Variants in SPIDR observed in about 807,000 individuals in gnomAD.
SPIDR encodes the protein DNA repair-scaffolding protein.
In SPIDR, 93 loss-of-function variants were observed where a neutral mutation model predicts 104.6. The observed-to-expected ratio is 0.89, with a 90% CI of 0.75 to 1.06. The LOEUF (loss-of-function observed/expected upper bound fraction) is 1.06. SPIDR is among the 50% of genes least tolerant of loss of function. The pLI is 0.00. For missense variants in SPIDR, 1,154 were observed against 1,111.2 expected (o/e 1.04, Z -0.55); for synonymous variants, 431 against 416.9 (o/e 1.03, Z -0.41).
At chr8:47,452,421 T>A (rs1554706661) in intron 8 of SPIDR, among the ~76,000 whole-genome samples, 4 of 152,176 alleles carry the variant, frequency 2.6e-5, no homozygotes, top group African/African-American at 9.6e-5. Flanking sequence ...AAAGACAATT[T>A]TAGACCAATA....
intron 5 of SPIDR, among the ~76,000 whole-genome samples, chr8:47,393,449 C>T (rs782477247): frequency 2.6e-5 from 4 of 151,992 alleles, no homozygotes; most frequent in Non-Finnish European, 4.4e-5. Context: ...TCCACATTAC[C>T]ATCTGAGGTT....
At chr8:47,363,785 G>C (rs2056640415) in intron 5 of SPIDR, among the ~76,000 whole-genome samples, 1 of 151,694 alleles carries the variant, frequency 6.6e-6, no homozygotes, top group African/African-American at 2.4e-5. Context: ...TTCTAGTTAG[G>C]AGGGTGTGGT....
At chr8:47,446,425 C>T (rs1197701202) in intron 8 of SPIDR, among the ~76,000 whole-genome samples, 1 of 152,148 alleles carries the variant, frequency 6.6e-6, no homozygotes, top group Admixed American at 6.6e-5. Context: ...TACTACCCCT[C>T]ATTGACAATG....
intron 8 of SPIDR, among the ~76,000 whole-genome samples, chr8:47,551,312 T>C (rs1005630000): frequency 6.6e-6 from 1 of 152,214 alleles, no homozygotes; most frequent in African/African-American, 2.4e-5. Flanking sequence ...ATTCCCTCTT[T>C]TTCTATTGAT....
chr8:47,293,944 G>A lies in SPIDR; in HGVS notation c.439G>A (p.Glu147Lys), dbSNP rs1586473668. 5.0e-6 allele frequency: 8 copies of A among 1,614,034 alleles called. No homozygotes were observed. The highest frequency in any genetic ancestry group is 1.7e-5 in the Admixed American group (1 of 59,990). Residue 147 changes from glutamate to lysine, a missense_variant, in exon 5 of 20, where the codon GAG (glutamate) becomes AAG (lysine). Transcript: ENST00000297423. Reference protein sequence around the residue: ...ASDCDEFEDDEGAVEISDCAS... With the variant: ...ASDCDEFEDDKGAVEISDCAS... The stretch of plus-strand genomic sequence containing the variant: ...TGACTGTGATGAATTTGAAGATGAC[G>A]AGGGTGCTGTGGAAATCTCAGACTG...
chr8:47,525,613 C>T lies in SPIDR; in HGVS notation c.1098-70198C>T, dbSNP rs144135915. On this transcript the variant is annotated intron_variant, in intron 8 of 19. Coordinates refer to ENST00000297423, the MANE Select transcript of SPIDR (RefSeq NM_001080394.4). ...GTCAGGAGTTCGAGACCAGCCTGGC[C>T]AACATGGTGAAACCCCATCTCTACC... 4.9e-3 allele frequency among the ~76,000 whole-genome samples: 740 copies of T among 152,114 alleles called. 5 individuals carry two copies. Among genetic ancestry groups the T allele is most frequent in the African/African-American group, 0.016 (675 of 41,512 alleles).
intron 3 of SPIDR, among the ~76,000 whole-genome samples, chr8:47,289,462 A>G (rs1586404564): frequency 1.3e-5 from 2 of 152,226 alleles, no homozygotes; most frequent in African/African-American, 4.8e-5. Context: ...TATAAACAGA[A>G]TAATTGATTT....
Position 47,607,640 on chromosome 8 carries a change from A to G in SPIDR, c.1544+8444A>G, listed in dbSNP as rs550625005. Among the ~76,000 whole-genome samples the G allele has an allele frequency of 2.8e-3, 420 of 152,036 alleles. 1 individual carries two copies. The highest frequency in any genetic ancestry group is 9.9e-3 in the African/African-American group (410 of 41,516). Reference sequence around the variant, plus strand: ...AAATGTGGTCAGATATTTTCAAAAGAAATCTAGTAAGCTTGATCCAAGAGT... The same window carrying G: ...AAATGTGGTCAGATATTTTCAAAAGGAATCTAGTAAGCTTGATCCAAGAGT... On this transcript the variant is annotated intron_variant, in intron 10 of 19. Coordinates refer to ENST00000297423, the MANE Select transcript of SPIDR (RefSeq NM_001080394.4).
chr8:47,374,075 T>A (rs1434762930), intron 5 of SPIDR, among the ~76,000 whole-genome samples: 5 of 152,222 alleles, frequency 3.3e-5, no homozygotes, highest in African/African-American at 1.2e-4. Flanking sequence ...TGAGACGTCT[T>A]TTTTTCTCTT....
chr8:47,478,512 A>G (rs1395363136), intron 8 of SPIDR, among the ~76,000 whole-genome samples: 4 of 152,162 alleles, frequency 2.6e-5, no homozygotes, highest in Admixed American at 6.5e-5. Flanking sequence ...AAGTCAGCTG[A>G]GGTTGCAGAA....
intron 8 of SPIDR, among the ~76,000 whole-genome samples, chr8:47,548,344 T>G (rs2089820002): frequency 1.3e-5 from 2 of 152,210 alleles, no homozygotes; most frequent in South Asian, 4.1e-4. Flanking sequence ...AGATGATATC[T>G]TAAGCTTTTT....
intron 16 of SPIDR, among the ~76,000 whole-genome samples, chr8:47,724,902 G>A (rs994723806): frequency 5.9e-5 from 9 of 152,208 alleles, no homozygotes; most frequent in South Asian, 2.1e-4. Flanking sequence ...GTTTGGCAGC[G>A]CTGGTTTTCC....
chr8:47,331,962 A>T (rs1224856501), intron 5 of SPIDR, among the ~76,000 whole-genome samples: 9 of 60,286 alleles, frequency 1.5e-4, no homozygotes, highest in East Asian at 5.8e-4. Context: ...AAATTTTTTT[A>T]AACTTTTTTT....
At position 47,293,974 on chromosome 8, in the gene SPIDR, T is replaced by G. The variant is rs2040389419; in HGVS notation, c.469T>G (p.Ser157Ala). The G allele has an allele frequency of 1.2e-6, 2 of 1,614,168 alleles. No homozygotes were observed. The highest frequency in any genetic ancestry group is 2.2e-5 in the East Asian group (1 of 44,882). The stretch of plus-strand genomic sequence containing the variant: ...TGCTGTGGAAATCTCAGACTGTGCT[T>G]CTTGTGCAAGTAATCAGTCTTTGAC... ...EGAVEISDCA[S>A]CASNQSLTSD... The change falls in exon 5 of 20, where the codon TCT becomes GCT. Residue 157 changes from serine (S) to alanine (A), a missense_variant. Coordinates refer to ENST00000297423, the MANE Select transcript of SPIDR (RefSeq NM_001080394.4).
intron 1 of SPIDR, among the ~76,000 whole-genome samples, chr8:47,272,641 C>G (rs1206436766): frequency 6.6e-6 from 1 of 152,108 alleles, no homozygotes; most frequent in African/African-American, 2.4e-5. Context: ...ATCCAGAGTT[C>G]AGAGGTTAGG....
intron 5 of SPIDR, among the ~76,000 whole-genome samples, chr8:47,354,098 C>T (rs998986813): frequency 4.0e-5 from 6 of 151,892 alleles, no homozygotes; most frequent in Non-Finnish European, 8.8e-5. Context: ...TAGAATCTAC[C>T]GTATAACGTA....
At chr8:47,574,796 A>T (rs2058893686) in intron 8 of SPIDR, among the ~76,000 whole-genome samples, 1 of 151,882 alleles carries the variant, frequency 6.6e-6, no homozygotes, top group Non-Finnish European at 1.5e-5. Context: ...GGAAAGTTTT[A>T]CATATGAACA....
intron 8 of SPIDR, among the ~76,000 whole-genome samples, chr8:47,538,796 A>G (rs772852385): frequency 1.3e-5 from 2 of 151,784 alleles, no homozygotes; most frequent in African/African-American, 4.8e-5. Flanking sequence ...TTTGTTTCCA[A>G]TAATAAGGGC....
intron 3 of SPIDR, among the ~76,000 whole-genome samples, chr8:47,288,193 T>G (rs2039229534): frequency 1.3e-5 from 2 of 152,228 alleles, no homozygotes; most frequent in Non-Finnish European, 2.9e-5. Context: ...CCTTGCCACC[T>G]TTATTGGACT....
Sources: gnomAD v4.1 joint callset for allele counts (sites outside exome capture counted in the v4.1 genomes callset) on GRCh38, gnomAD v4.1.1 for gene constraint, MANE v1.5 for transcripts, NCBI Gene and HGNC (gene_info 2026-07-23, HGNC 2026-07-21) for gene names.